ZSCAN2: variants seen among roughly 807,000 people sequenced by gnomAD.
The protein encoded by ZSCAN2 is zinc finger and SCAN domain-containing protein 2.
A neutral mutation model predicts 47.8 loss-of-function variants in ZSCAN2; 26 were observed. The observed-to-expected ratio is 0.54, with a 90% CI of 0.40 to 0.75. The LOEUF (loss-of-function observed/expected upper bound fraction) is 0.75. Among genes scored for constraint, ZSCAN2 ranks in the 30% least tolerant of loss-of-function variants. The probability of loss-of-function intolerance (pLI) is 0.00; values close to 1 mark genes in which losing one functional copy is unlikely to be tolerated. For synonymous variants in ZSCAN2, 305 were observed against 288.7 expected (o/e 1.06, Z -0.57); for missense variants, 732 against 785.4 (o/e 0.93, Z 0.81).
intron 1 of ZSCAN2, 188 bp downstream of exon 1, chr15:84,601,323 G>C (rs570787781): frequency 1.3e-5 from 2 of 152,238 alleles, no homozygotes; most frequent in Non-Finnish European, 2.9e-5. Context: ...CGTCCCGGAC[G>C]CGTCTCCCTG....
rs552434583 is a variant in ZSCAN2 at position 84,618,844 on chromosome 15, G to A, written c.407-1758G>A. On this transcript the variant is annotated intron_variant, in intron 2 of 2. Transcript: ENST00000546148. ...CTCCCAAAGTGCTAGGATTACAGGCGTGAGCCACCATGCCCGGTGTCAGTC... is the reference window on the plus strand; with the variant it reads ...CTCCCAAAGTGCTAGGATTACAGGCATGAGCCACCATGCCCGGTGTCAGTC... 2.9e-4 allele frequency among the ~76,000 whole-genome samples: 44 copies of A among 152,152 alleles called. No individual in the cohort carries two copies. In the South Asian group the frequency reaches 7.7e-3, roughly 27 times the overall value.
At chr15:84,609,614 G>A (rs1216376813) in intron 2 of ZSCAN2, among the ~76,000 whole-genome samples, 2 of 152,206 alleles carry the variant, frequency 1.3e-5, no homozygotes, top group Non-Finnish European at 2.9e-5. Flanking sequence ...GTCCATTGCT[G>A]TTTTTATCAG....
Position 84,616,723 on chromosome 15 carries a change from A to C in ZSCAN2, c.407-3879A>C. 3.0e-6 allele frequency: 3 copies of C among 1,005,936 alleles called. No individual in the cohort carries two copies. The African/African-American group carries it at 5.2e-5, about 17-fold the overall frequency. The allele number at this position is 1,005,936 out of a possible 1,614,324, so 62.3% of individuals were successfully genotyped here. A position where few individuals can be genotyped will look rare whatever the true frequency, so the allele number is the denominator to read the frequency against. The stretch of plus-strand genomic sequence containing the variant: ...TTCAATTACTAAAATCACCCAAAAA[A>C]ATGTTTTTGGTCATGTTAGTTTGCT... On this transcript the variant is annotated intron_variant, in intron 2 of 2. Coordinates refer to ENST00000546148, the MANE Select transcript of ZSCAN2 (RefSeq NM_181877.4).
intron 2 of ZSCAN2, among the ~76,000 whole-genome samples, chr15:84,613,847 C>G (rs1280457558): frequency 6.6e-6 from 1 of 151,648 alleles, no homozygotes; most frequent in Admixed American, 6.6e-5. Context: ...ATGCCCAGCT[C>G]ATTTTTGTAT....
In ZSCAN2 at chr15:84,623,532, G is replaced by C. The variant is rs913819987; in HGVS notation, c.*1492G>C. 2 of 167,458 alleles carry C rather than the reference G, an allele frequency of 1.2e-5. No individual in the cohort carries two copies. The highest frequency in any genetic ancestry group is 2.9e-5 in the Non-Finnish European group (2 of 68,414). The allele number at this position is 167,458 out of a possible 1,614,324, so 10.4% of individuals were successfully genotyped here. ...CCAGGGCTTTGTTCTCGGGATCCTC[G>C]CACCTGGAGAGTGAAGACGGGCATG... On this transcript the variant is annotated 3_prime_UTR_variant, in exon 3 of 3. Transcript: ENST00000546148.
chr15:84,608,353 A>T (rs1895443356), intron 2 of ZSCAN2, among the ~76,000 whole-genome samples: 1 of 151,826 alleles, frequency 6.6e-6, no homozygotes, highest in African/African-American at 2.4e-5. Context: ...AACATAGTGA[A>T]ACCCTGTCTC....
chr15:84,621,987 A>T lies in ZSCAN2; in HGVS notation c.1792A>T (p.Ser598Cys). 1 of 1,613,770 alleles carries T rather than the reference A, an allele frequency of 6.2e-7. No individual in the cohort carries two copies. Among genetic ancestry groups the T allele is most frequent in the Non-Finnish European group, 8.5e-7 (1 of 1,179,768 alleles). The stretch of plus-strand genomic sequence containing the variant: ...CGAGTGTGGCAAAGGCTTCAGCAAC[A>T]GCTCTAACTTTATCACACATCAGAG... ...CPECGKGFSN[S>C]SNFITHQRTH... Residue 598 changes from serine to cysteine, a missense_variant, in exon 3 of 3, where the codon AGC (serine) becomes TGC (cysteine). Ser to Cys is a moderately radical substitution (Grantham distance 112). Around this residue, in one of 2 missense-constraint regions of ZSCAN2, gnomAD observed 412 missense variants for 498.0 expected, o/e 0.83. Coordinates refer to ENST00000546148, the MANE Select transcript of ZSCAN2 (RefSeq NM_181877.4). This position sits in a 1 kb window ranked among gnomAD's most constrained non-coding sequence, Gnocchi z 5.7.
intron 2 of ZSCAN2, among the ~76,000 whole-genome samples, chr15:84,608,530 C>CA (rs1181525313): frequency 0.19 from 17,086 of 92,342 alleles, 1,642 homozygotes; most frequent in East Asian, 0.45. Flanking sequence ...GACTCTGTCT[C>CA]AAAAAAAAAA....
Position 84,603,834 on chromosome 15 carries a change from G to T in ZSCAN2, c.-94G>T, listed in dbSNP as rs1895286268. On this transcript the variant is annotated 5_prime_UTR_variant, in exon 2 of 3. Coordinates refer to ENST00000546148, the MANE Select transcript of ZSCAN2 (RefSeq NM_181877.4). ...TTGTTTCTCAGCGGGACTACTTGTT[G>T]ATATTTGAGGAGGGAAGTGTCTTAC... 7.1e-7 allele frequency: 1 copy of T among 1,412,542 alleles called. No homozygotes were observed. Among genetic ancestry groups the T allele is most frequent in the Non-Finnish European group, 9.6e-7 (1 of 1,037,566 alleles). The allele number at this position is 1,412,542 out of a possible 1,614,324, so 87.5% of individuals were successfully genotyped here.
At position 84,622,608 on chromosome 15, in the gene ZSCAN2, G is replaced by C. The variant is rs138979916; in HGVS notation, c.*568G>C. 1 of 717,464 alleles carries C rather than the reference G, an allele frequency of 1.4e-6. No homozygotes were observed. Among genetic ancestry groups the C allele is most frequent in the East Asian group, 2.7e-5 (1 of 37,300 alleles). The allele number at this position is 717,464 out of a possible 1,614,324, so 44.4% of individuals were successfully genotyped here. On this transcript the variant is annotated 3_prime_UTR_variant, in exon 3 of 3. Coordinates refer to ENST00000546148, the MANE Select transcript of ZSCAN2 (RefSeq NM_181877.4). Reference sequence around the variant, plus strand: ...GATGGAGGGGCTTCTCCAGTTCTGAGTCACCCACGTGAAGGTAAAGACCCT... The same window carrying C: ...GATGGAGGGGCTTCTCCAGTTCTGACTCACCCACGTGAAGGTAAAGACCCT...
chr15:84,616,140 G>C (rs1237513724), intron 2 of ZSCAN2, among the ~76,000 whole-genome samples: 1 of 152,128 alleles, frequency 6.6e-6, no homozygotes, highest in Non-Finnish European at 1.5e-5. Context: ...AGGAGGCTGA[G>C]GCAGGAGAAT....
chr15:84,615,903 A>G (rs1193973210), intron 2 of ZSCAN2, among the ~76,000 whole-genome samples: 1 of 152,038 alleles, frequency 6.6e-6, no homozygotes, highest in Non-Finnish European at 1.5e-5. Context: ...CAGTTGCCTC[A>G]TTTAATTATT....
Position 84,622,347 on chromosome 15 carries a change from T to C in ZSCAN2, c.*307T>C. 1 of 572,072 alleles carries C rather than the reference T, an allele frequency of 1.7e-6. No homozygotes were observed. The highest frequency in any genetic ancestry group is 1.9e-5 in the African/African-American group (1 of 52,864). The allele number at this position is 572,072 out of a possible 1,614,324, so 35.4% of individuals were successfully genotyped here. On this transcript the variant is annotated 3_prime_UTR_variant, in exon 3 of 3. Coordinates refer to ENST00000546148, the MANE Select transcript of ZSCAN2 (RefSeq NM_181877.4). ...TGCCTCAGTTTCCTCTTTGGTAAAATGGGGGGAAATGTTTCTCCATGTGGA... is the reference window on the plus strand; with the variant it reads ...TGCCTCAGTTTCCTCTTTGGTAAAACGGGGGGAAATGTTTCTCCATGTGGA...
chr15:84,602,587 CTTT>C (rs981357914), intron 1 of ZSCAN2, among the ~76,000 whole-genome samples: 2 of 115,730 alleles, frequency 1.7e-5, no homozygotes, highest in Non-Finnish European at 1.8e-5. Context: ...CTTTTCTTTT[CTTT>C]TTTTTTTTTT....
At position 84,616,023 on chromosome 15, in the gene ZSCAN2, C is replaced by T. The variant is rs1391855272; in HGVS notation, c.407-4579C>T. On this transcript the variant is annotated intron_variant, in intron 2 of 2. Transcript: ENST00000546148. ...CCGAGGCAGTTGGATCATTTGAGGTCAGGAGTTCGAGACCAGCCTGGCCAA... is the reference window on the plus strand; with the variant it reads ...CCGAGGCAGTTGGATCATTTGAGGTTAGGAGTTCGAGACCAGCCTGGCCAA... Among the ~76,000 whole-genome samples, 5 of 152,244 alleles carry T rather than the reference C, an allele frequency of 3.3e-5. No homozygotes were observed. In the East Asian group the frequency reaches 9.7e-4, roughly 29 times the overall value.
Position 84,603,816 on chromosome 15 carries a change from TCAGCG to T in ZSCAN2, c.-108-3_-107del. On this transcript the variant is annotated splice_acceptor_variant and splice_polypyrimidine_tract_variant and 5_prime_UTR_variant and intron_variant, in exon 2 of 3. Transcript: ENST00000546148. LOFTEE classifies it low-confidence loss of function (5UTR_SPLICE). The stretch of plus-strand genomic sequence containing the variant: ...GGATTATGGTTCTCTTTTTTGTTTC[TCAGCG>T]GGACTACTTGTTGATATTTGAGGAG... 7.7e-7 allele frequency: 1 copy of T among 1,293,150 alleles called. No individual in the cohort carries two copies. The highest frequency in any genetic ancestry group is 2.4e-5 in the Admixed American group (1 of 42,334). The allele number at this position is 1,293,150 out of a possible 1,614,324, so 80.1% of individuals were successfully genotyped here.
chr15:84,603,698 C>G (rs1895281243), intron 1 of ZSCAN2, 122 bp from the exon 2 acceptor site: 1 of 459,640 alleles, frequency 2.2e-6, no homozygotes, highest in Non-Finnish European at 3.8e-6. Context: ...TTAAGAAGAA[C>G]AGGAAACGTC....
At chr15:84,618,470 TTCC>T (rs1255827471) in intron 2 of ZSCAN2, among the ~76,000 whole-genome samples, 1 of 152,050 alleles carries the variant, frequency 6.6e-6, no homozygotes. Flanking sequence ...AGAGGGAAAT[TTCC>T]TCCTCAGGCT....
At chr15:84,613,933 G>C (rs1003693311) in intron 2 of ZSCAN2, among the ~76,000 whole-genome samples, 26 of 140,210 alleles carry the variant, frequency 1.9e-4, no homozygotes, top group African/African-American at 6.0e-4. Context: ...GCCCACCTCT[G>C]CCTCCCAAAG....
Sources: gnomAD v4.1 joint callset for allele counts (sites outside exome capture counted in the v4.1 genomes callset) on GRCh38, gnomAD v4.1.1 for gene constraint, gnomAD v4.1.1 regional missense constraint, Gnocchi (gnomAD v3.1) non-coding constraint, MANE v1.5 for transcripts, NCBI Gene and HGNC (gene_info 2026-07-23, HGNC 2026-07-21) for gene names.